Variants in MSRB3 observed in about 807,000 individuals in gnomAD.
MSRB3 encodes the protein methionine-R-sulfoxide reductase B3.
A neutral mutation model predicts 21.0 loss-of-function variants in MSRB3; 13 were observed. The observed-to-expected ratio is 0.62, with a 90% CI of 0.40 to 0.98. The LOEUF (loss-of-function observed/expected upper bound fraction) is 0.98. MSRB3 is among the 50% of genes least tolerant of loss of function. MSRB3 has a pLI of 0.00. For synonymous variants in MSRB3, 87 were observed against 88.6 expected, an observed-to-expected ratio of 0.98 and a Z score of 0.10; for missense variants, 199 against 230.3, an observed-to-expected ratio of 0.86 and a Z score of 0.88.
intron 1 of MSRB3, among the ~76,000 whole-genome samples, chr12:65,308,151 T>G (rs1249299520): frequency 6.6e-6 from 1 of 152,238 alleles, no homozygotes; most frequent in Non-Finnish European, 1.5e-5. Flanking sequence ...GCATAAAACC[T>G]ACCTCCTTGG....
At chr12:65,323,288 T>C (rs1196406184) in intron 2 of MSRB3, among the ~76,000 whole-genome samples, 1 of 152,198 alleles carries the variant, frequency 6.6e-6, no homozygotes, top group African/African-American at 2.4e-5. Context: ...AATACTGGCC[T>C]TGAGGCAACA....
At chr12:65,409,314 G>A (rs1451263082) in intron 5 of MSRB3, among the ~76,000 whole-genome samples, 1 of 151,960 alleles carries the variant, frequency 6.6e-6, no homozygotes, top group Non-Finnish European at 1.5e-5. Context: ...CTTAAACCTA[G>A]ATTGTGTAGC....
chr12:65,411,471 A>G (rs1238756961), intron 5 of MSRB3, among the ~76,000 whole-genome samples: 2 of 152,166 alleles, frequency 1.3e-5, no homozygotes, highest in African/African-American at 2.4e-5. Context: ...AAACCTCACA[A>G]GTAGAAAGGA....
intron 5 of MSRB3, among the ~76,000 whole-genome samples, chr12:65,448,425 A>T (rs1439804038): frequency 6.6e-6 from 1 of 152,250 alleles, no homozygotes; most frequent in Admixed American, 6.5e-5. Context: ...ATTAAAAATA[A>T]CCTGAGTATT....
chr12:65,354,271 G>C (rs7307267), intron 4 of MSRB3, among the ~76,000 whole-genome samples: 2 of 151,762 alleles, frequency 1.3e-5, no homozygotes, highest in Non-Finnish European at 2.9e-5. Context: ...GAATGTTGGC[G>C]TGCCCTGCTA....
At chr12:65,392,875 G>A (rs1415789223) in intron 5 of MSRB3, among the ~76,000 whole-genome samples, 1 of 152,014 alleles carries the variant, frequency 6.6e-6, no homozygotes, top group Non-Finnish European at 1.5e-5. Context: ...ATTCAGTAAG[G>A]CTTGTTAATT....
chr12:65,420,033 G>A, intron 5 of MSRB3: 1 of 546,858 alleles, frequency 1.8e-6, no homozygotes, highest in Admixed American at 1.9e-5. Context: ...TGCTGTCTGG[G>A]GAAGAGAGCG....
intron 4 of MSRB3, among the ~76,000 whole-genome samples, chr12:65,340,919 A>G (rs1396924172): frequency 6.6e-6 from 1 of 152,152 alleles, no homozygotes; most frequent in African/African-American, 2.4e-5. Context: ...CAACCTCAGA[A>G]GAAATTGAGT....
At chr12:65,451,584 C>G (rs950398202) in intron 5 of MSRB3, among the ~76,000 whole-genome samples, 1 of 152,078 alleles carries the variant, frequency 6.6e-6, no homozygotes, top group South Asian at 2.1e-4. Flanking sequence ...TCTGTTCCCT[C>G]CCACCCCCAA....
At chr12:65,414,045 G>A (rs1036230936) in intron 5 of MSRB3, among the ~76,000 whole-genome samples, 1 of 152,056 alleles carries the variant, frequency 6.6e-6, no homozygotes, top group Non-Finnish European at 1.5e-5. Flanking sequence ...GGTAGCAGGA[G>A]GTCATAGAGG....
intron 5 of MSRB3, among the ~76,000 whole-genome samples, chr12:65,410,632 A>G (rs1404717074): frequency 3.3e-4 from 50 of 152,190 alleles, no homozygotes; most frequent in Admixed American, 3.3e-3. Context: ...TGACAGAGTG[A>G]GACTCTGTCT....
intron 6 of MSRB3, among the ~76,000 whole-genome samples, chr12:65,456,106 A>G (rs1883079216): frequency 6.6e-6 from 1 of 152,196 alleles, no homozygotes; most frequent in South Asian, 2.1e-4. Context: ...GGTAAACTAT[A>G]AGTAGGATGG....
chr12:65,305,566 C>T (rs942169247), intron 1 of MSRB3, among the ~76,000 whole-genome samples: 2 of 152,120 alleles, frequency 1.3e-5, no homozygotes, highest in Non-Finnish European at 2.9e-5. Flanking sequence ...AGGTCCCTGC[C>T]CCTTACTAAG....
intron 5 of MSRB3, among the ~76,000 whole-genome samples, chr12:65,446,527 TA>T (rs924734551): frequency 1.7e-4 from 26 of 150,392 alleles, no homozygotes; most frequent in South Asian, 6.3e-4. Context: ...TGCAGTTTAT[TA>T]AAAAAAAAAT....
chr12:65,339,008 C>T (rs139017498), intron 4 of MSRB3, among the ~76,000 whole-genome samples: 2,362 of 152,152 alleles, frequency 0.016, 45 homozygotes, highest in East Asian at 0.057. Flanking sequence ...ACCCGGGAGG[C>T]GGAGGTTGCA....
intron 5 of MSRB3, chr12:65,419,761 G>C (rs1361820326): frequency 9.5e-7 from 1 of 1,049,476 alleles, no homozygotes; most frequent in East Asian, 2.4e-5. Flanking sequence ...GCGGTCTTCA[G>C]GCTTTGCATG....
At chr12:65,323,027 A>G (rs193118971) in intron 2 of MSRB3, among the ~76,000 whole-genome samples, 27 of 152,356 alleles carry the variant, frequency 1.8e-4, no homozygotes, top group Non-Finnish European at 3.1e-4. Flanking sequence ...CCAATAAAAG[A>G]TTGCTGCACA....
Position 65,393,523 on chromosome 12 carries a change from C to T in MSRB3, c.292+24497C>T, listed in dbSNP as rs1240455784. Among the ~76,000 whole-genome samples, 5 of 150,306 alleles carry T rather than the reference C, an allele frequency of 3.3e-5. No homozygotes were observed. In the South Asian group the frequency reaches 8.4e-4, roughly 25 times the overall value. On this transcript the variant is annotated intron_variant, in intron 5 of 6. Coordinates refer to ENST00000308259, the MANE Select transcript of MSRB3 (RefSeq NM_001031679.3). ...TGGTGGGCGCCTGTAATCCCAGCTA[C>T]GGGAGGCTGAGGCACGAGAATGGCG...
chr12:65,367,168 G>A (rs572705840), intron 4 of MSRB3, among the ~76,000 whole-genome samples: 25 of 152,302 alleles, frequency 1.6e-4, no homozygotes, highest in African/African-American at 5.5e-4. Context: ...GGAGATAGAT[G>A]ATATAGGATA....
Sources: gnomAD v4.1 joint callset for allele counts (sites outside exome capture counted in the v4.1 genomes callset) on GRCh38, gnomAD v4.1.1 for gene constraint, MANE v1.5 for transcripts, NCBI Gene and HGNC (gene_info 2026-07-23, HGNC 2026-07-21) for gene names.